DNAI1: variants seen among roughly 807,000 people sequenced by gnomAD.
DNAI1 encodes dynein axonemal intermediate chain 1.
A neutral mutation model predicts 92.0 loss-of-function variants in DNAI1; 67 were observed. That is an observed-to-expected ratio of 0.73 (90% CI 0.60 to 0.89). The LOEUF is 0.89. Ranked by LOEUF, DNAI1 falls within the 40% of genes least tolerant of loss-of-function variation. DNAI1 has a pLI of 0.00. For synonymous variants in DNAI1, 323 were observed against 319.6 expected, an observed-to-expected ratio of 1.01 and a Z score of -0.11; for missense variants, 839 against 866.6, an observed-to-expected ratio of 0.97 and a Z score of 0.40.
chr9:34,492,493 G>GATAGATAGATATATATATATATATAT (rs1554688186), intron 8 of DNAI1, among the ~76,000 whole-genome samples: 2 of 68,268 alleles, frequency 2.9e-5, no homozygotes, highest in Non-Finnish European at 6.1e-5. Context: ...GGGATATGAA[G>GATAGATAGATATATATATATATATAT]ATATATATAT....
At chr9:34,499,955 GT>G (rs1824794195) in intron 10 of DNAI1, among the ~76,000 whole-genome samples, 1 of 152,210 alleles carries the variant, frequency 6.6e-6, no homozygotes, top group African/African-American at 2.4e-5. Context: ...TGGAGAAGGA[GT>G]TACTGGAGGT....
chr9:34,493,111 T>TAACAG, intron 8 of DNAI1, 83 bp from the exon 9 acceptor site: 1 of 1,594,788 alleles, frequency 6.3e-7, no homozygotes, highest in Non-Finnish European at 8.6e-7. Flanking sequence ...CATGACCAAT[T>TAACAG]CCTTAAGTCT....
intron 2 of DNAI1, among the ~76,000 whole-genome samples, chr9:34,484,845 G>A (rs1176259489): frequency 6.6e-6 from 1 of 152,218 alleles, no homozygotes; most frequent in East Asian, 1.9e-4. Flanking sequence ...ACAGAAGGCA[G>A]TAGGGAGGAA....
chr9:34,490,640 C>A, intron 7 of DNAI1, 152 bp downstream of exon 7: 1 of 1,198,944 alleles, frequency 8.3e-7, no homozygotes, highest in South Asian at 1.3e-5. Flanking sequence ...GAGCTGAGAG[C>A]ATGTGTTCAG....
intron 12 of DNAI1, among the ~76,000 whole-genome samples, chr9:34,501,866 G>A (rs920977579): frequency 2.6e-5 from 4 of 152,312 alleles, no homozygotes; most frequent in African/African-American, 9.6e-5. Flanking sequence ...AAGGCAGGAA[G>A]GCAGCACAAT....
chr9:34,475,207 G>T (rs577623636), intron 1 of DNAI1, among the ~76,000 whole-genome samples: 1 of 152,170 alleles, frequency 6.6e-6, no homozygotes, highest in Non-Finnish European at 1.5e-5. Context: ...TTTTAGAAAC[G>T]GAAACGGCAA....
At chr9:34,482,522 T>C (rs867706214) in intron 1 of DNAI1, among the ~76,000 whole-genome samples, 94 of 135,372 alleles carry the variant, frequency 6.9e-4, no homozygotes, top group African/African-American at 2.8e-3. Context: ...TTTACAATCC[T>C]TGAGCTAGAC....
intron 3 of DNAI1, 21 bp downstream of exon 3, chr9:34,485,261 T>C: frequency 6.2e-7 from 1 of 1,613,914 alleles, no homozygotes; most frequent in Non-Finnish European, 8.5e-7. Context: ...AGCCTCTTGT[T>C]CTTGCTCCTT....
intron 13 of DNAI1, among the ~76,000 whole-genome samples, chr9:34,511,229 GGCAACAGAAA>G (rs1825059309): frequency 6.6e-6 from 1 of 152,214 alleles, no homozygotes; most frequent in Admixed American, 6.5e-5. Context: ...CTCCACATCT[GGCAACAGAAA>G]CTTGAGTCTC....
chr9:34,498,447 T>C (rs1167146423), intron 10 of DNAI1, among the ~76,000 whole-genome samples: 1 of 152,232 alleles, frequency 6.6e-6, no homozygotes, highest in Non-Finnish European at 1.5e-5. Context: ...ACTTCGCCGC[T>C]AGGCTGCAAA....
chr9:34,507,166 G>A (rs1824951798), intron 13 of DNAI1, among the ~76,000 whole-genome samples: 1 of 152,164 alleles, frequency 6.6e-6, no homozygotes, highest in African/African-American at 2.4e-5. Flanking sequence ...AGACATAGCT[G>A]GAAGGCTCCA....
At position 34,514,535 on chromosome 9, in the gene DNAI1, A is replaced by G. The variant is rs1206542308; in HGVS notation, c.1711A>G (p.Thr571Ala). 3.1e-6 allele frequency: 5 copies of G among 1,613,928 alleles called. No homozygotes were observed. The highest frequency in any genetic ancestry group is 4.2e-6 in the Non-Finnish European group (5 of 1,180,016). Residue 571 changes from threonine (T) to alanine (A), a missense_variant, in exon 17 of 20, where the codon ACC (threonine) becomes GCC (alanine). Physicochemically the swap from Thr to Ala is moderately conservative, Grantham distance 58. Coordinates refer to ENST00000242317, the MANE Select transcript of DNAI1 (RefSeq NM_012144.4). Reference protein sequence around the residue: ...SDWTVKIWDHTIKTPMFIYDL... With the variant: ...SDWTVKIWDHAIKTPMFIYDL... Reference sequence around the variant, plus strand: ...CTGGACAGTGAAGATCTGGGACCACACCATCAAGTGAGGGGCCTGTTCCTG... The same window carrying G: ...CTGGACAGTGAAGATCTGGGACCACGCCATCAAGTGAGGGGCCTGTTCCTG...
intron 9 of DNAI1, 110 bp from the exon 10 acceptor site, chr9:34,497,005 G>T: frequency 1.2e-6 from 1 of 836,296 alleles, no homozygotes. Context: ...TCTGGGGTGA[G>T]TAGTGCCAGA....
chr9:34,515,563 ACAGT>A (rs1455691298), intron 18 of DNAI1, among the ~76,000 whole-genome samples: 1 of 152,252 alleles, frequency 6.6e-6, no homozygotes, highest in Admixed American at 6.5e-5. Flanking sequence ...ATTACTCATA[ACAGT>A]CAGAGTGGCA....
intron 1 of DNAI1, among the ~76,000 whole-genome samples, chr9:34,471,189 G>T (rs891078380): frequency 6.6e-6 from 1 of 152,122 alleles, no homozygotes; most frequent in African/African-American, 2.4e-5. Flanking sequence ...CACTTTGGGA[G>T]GCTGAGGTGG....
At chr9:34,495,153 TTAGG>T (rs1263799948) in intron 9 of DNAI1, among the ~76,000 whole-genome samples, 5 of 152,156 alleles carry the variant, frequency 3.3e-5, no homozygotes, top group Admixed American at 6.5e-5. Context: ...ATCTGAATAA[TTAGG>T]TAGGAAAGGA....
chr9:34,485,895 C>G (rs10814113), intron 4 of DNAI1, among the ~76,000 whole-genome samples: 1 of 152,004 alleles, frequency 6.6e-6, no homozygotes, highest in Non-Finnish European at 1.5e-5. Flanking sequence ...CAATTTCCCT[C>G]TAGACAAAAG....
chr9:34,485,094 T>C (rs756339234), intron 2 of DNAI1, 48 bp from the exon 3 acceptor site: 3 of 1,588,066 alleles, frequency 1.9e-6, no homozygotes, highest in African/African-American at 2.7e-5. Context: ...TGTATGCTTG[T>C]CCAAGCAGAA....
intron 9 of DNAI1, among the ~76,000 whole-genome samples, chr9:34,495,813 T>C (rs569577360): frequency 3.9e-5 from 6 of 152,218 alleles, no homozygotes; most frequent in African/African-American, 1.4e-4. Flanking sequence ...ACCAGGAAGC[T>C]GCTAAGGGGA....
Sources: allele counts gnomAD v4.1 joint callset (sites outside exome capture counted in the v4.1 genomes callset), GRCh38; gene constraint gnomAD v4.1.1; transcripts MANE v1.5; gene names NCBI Gene and HGNC (gene_info 2026-07-23, HGNC 2026-07-21).